PCDHB1: variants seen among roughly 807,000 people sequenced by gnomAD.
PCDHB1 encodes the protein protocadherin beta-1.
Under a neutral mutation model 43.5 loss-of-function variants are expected in PCDHB1, and 44 were observed. The observed-to-expected ratio is 1.01, with a 90% CI of 0.79 to 1.30. The LOEUF is 1.30. PCDHB1 is among the 50% of genes most tolerant of loss of function. PCDHB1 has a pLI of 0.00. For missense variants in PCDHB1, 919 were observed against 1,008.9 expected (o/e 0.91, Z 1.21); for synonymous variants, 392 against 400.8 (o/e 0.98, Z 0.26).
rs781855795 is a variant in PCDHB1 at position 141,053,878 on chromosome 5, A to T, written c.2408A>T (p.Lys803Met). 1 of 1,614,190 alleles carries T rather than the reference A, an allele frequency of 6.2e-7. No individual in the cohort carries two copies. The highest frequency in any genetic ancestry group is 1.1e-5 in the South Asian group (1 of 91,082). The change falls in exon 1 of 1, where the codon AAG (lysine) becomes ATG (methionine). Residue 803 changes from lysine (K) to methionine (M), a missense_variant. By Grantham distance (95) the Lys-to-Met change is moderately conservative. Coordinates refer to ENST00000306549, the MANE Select transcript of PCDHB1 (RefSeq NM_013340.4). ...SSLPPNSDRN[K>M]SQRLEGHDQV... is the part of the protein sequence containing the mutation. ...TTGCCCCCAAATTCTGATAGGAATA[A>T]GTCTCAGAGATTAGAGGGCCATGAC... is the stretch of plus-strand genomic sequence containing the variant.
Position 141,051,977 on chromosome 5 carries a change from C to A in PCDHB1, c.507C>A (p.Asn169Lys). The A allele has an allele frequency of 1.2e-6, 2 of 1,614,190 alleles. No homozygotes were observed. Among genetic ancestry groups the A allele is most frequent in the South Asian group, 1.1e-5 (1 of 91,090 alleles). Residue 169 changes from asparagine to lysine, a missense_variant, in exon 1 of 1, where the codon AAC becomes AAA. By Grantham distance (94) the Asn-to-Lys change is moderately conservative. Coordinates refer to ENST00000306549, the MANE Select transcript of PCDHB1 (RefSeq NM_013340.4). ...ACGTGGGCCTTAACGGTCTCCAGAA[C>A]TACACCCTGAGTGCCAATGGGTATT... ...DLDVGLNGLQNYTLSANGYFH... is the reference protein window; with the variant it reads ...DLDVGLNGLQKYTLSANGYFH...
rs1554267487 is a variant in PCDHB1, at chr5:141,053,598, T to C, written c.2128T>C (p.Phe710Leu). The part of the protein sequence containing the change: ...FLFLLSVIVI[F>L]IIHVYQKIKY... ...CTTTCTCCTCTCTGTCATAGTGATC[T>C]TCATTATACATGTCTACCAAAAGAT... The change falls in exon 1 of 1, where the codon TTC (phenylalanine) becomes CTC (leucine). Residue 710 changes from phenylalanine (F) to leucine (L), a missense_variant. Phe to Leu is a conservative substitution (Grantham distance 22). Transcript: ENST00000306549. 16 of 1,613,544 alleles carry C rather than the reference T, an allele frequency of 9.9e-6. No individual in the cohort carries two copies. Among genetic ancestry groups the C allele is most frequent in the Non-Finnish European group, 1.4e-5 (16 of 1,179,408 alleles).
rs370497604 is a variant in PCDHB1 at position 141,057,540 on chromosome 5, C to CAAAA, written c.*3628_*3631dup. ...CTGGCGACAAAGCAAGACTCTGTCT[C>CAAAA]AAAAAAAAAAAAAAAAAAGAAAAAA... On this transcript the variant is annotated 3_prime_UTR_variant, in exon 1 of 1. Transcript: ENST00000306549. 2 of 72,354 alleles carry CAAAA rather than the reference C, an allele frequency of 2.8e-5. No homozygotes were observed. The highest frequency in any genetic ancestry group is 5.6e-5 in the Non-Finnish European group (2 of 35,636). The allele number at this position is 72,354 out of a possible 1,614,324, so 4.5% of individuals were successfully genotyped here. A position where few individuals can be genotyped will look rare whatever the true frequency, so the allele number is the denominator to read the frequency against.
Position 141,057,030 on chromosome 5 carries a change from G to A in PCDHB1, c.*3103G>A, listed in dbSNP as rs1751147276. 2.0e-5 allele frequency: 3 copies of A among 152,170 alleles called. No homozygotes were observed. Among genetic ancestry groups the A allele is most frequent in the African/African-American group, 7.2e-5 (3 of 41,426 alleles). The allele number at this position is 152,170 out of a possible 1,614,324, so 9.4% of individuals were successfully genotyped here. A position where few individuals can be genotyped will look rare whatever the true frequency, so the allele number is the denominator to read the frequency against. On this transcript the variant is annotated 3_prime_UTR_variant, in exon 1 of 1. Coordinates refer to ENST00000306549, the MANE Select transcript of PCDHB1 (RefSeq NM_013340.4). ...ATGTGAACATAATCAATGGAAACTG[G>A]CTTAATGTCAAGGATAGGAAAAGAA...
Position 141,059,089 on chromosome 5 carries a change from C to G in PCDHB1, c.*5162C>G, listed in dbSNP as rs538286089. On this transcript the variant is annotated 3_prime_UTR_variant, in exon 1 of 1. Coordinates refer to ENST00000306549, the MANE Select transcript of PCDHB1 (RefSeq NM_013340.4). ...ATCATAAAGTAACCCCATTAAGGTT[C>G]ATGCATAAAGTTTTAACTTTAAATG... 3 of 151,988 alleles carry G rather than the reference C, an allele frequency of 2.0e-5. No individual in the cohort carries two copies. Among genetic ancestry groups the G allele is most frequent in the Non-Finnish European group, 2.9e-5 (2 of 67,944 alleles). The allele number at this position is 151,988 out of a possible 1,614,324, so 9.4% of individuals were successfully genotyped here.
rs781869296 is a variant in PCDHB1, at chr5:141,052,268, C to T, written c.798C>T (p.Ala266=). 2.6e-5 allele frequency: 42 copies of T among 1,614,032 alleles called. No individual in the cohort carries two copies. In the East Asian group the frequency reaches 8.5e-4, roughly 33 times the overall value. Reference sequence around the variant, plus strand: ...GCTCTTTGGTGGCCACGGTGACTGCCGTGGACCTAGACGAGGGCACCAACA... The same window carrying T: ...GCTCTTTGGTGGCCACGGTGACTGCTGTGGACCTAGACGAGGGCACCAACA... ...PNGSLVATVT[A]VDLDEGTNKA... is the part of the protein sequence containing the mutation. Residue 266 remains alanine (A), a synonymous_variant, in exon 1 of 1, where the codon GCC becomes GCT. Transcript: ENST00000306549.
Position 141,053,557 on chromosome 5 carries a change from T to C in PCDHB1, c.2087T>C (p.Val696Ala). 6.2e-7 allele frequency: 1 copy of C among 1,614,140 alleles called. No individual in the cohort carries two copies. Among genetic ancestry groups the C allele is most frequent in the Non-Finnish European group, 8.5e-7 (1 of 1,179,996 alleles). Residue 696 changes from valine to alanine, a missense_variant, in exon 1 of 1, where the codon GTC (valine) becomes GCC (alanine). Transcript: ENST00000306549. ...PSTKYLVISL[V>A]ILSFLFLLSV... ...ACTAAATATTTGGTCATTTCTCTGG[T>C]CATCCTTTCCTTTCTCTTTCTCCTC...
Position 141,051,412 on chromosome 5 carries a change from A to C in PCDHB1, c.-59A>C. 1 of 1,573,022 alleles carries C rather than the reference A, an allele frequency of 6.4e-7. No homozygotes were observed. Among genetic ancestry groups the C allele is most frequent in the Non-Finnish European group, 8.7e-7 (1 of 1,151,012 alleles). On this transcript the variant is annotated 5_prime_UTR_variant, in exon 1 of 1. Coordinates refer to ENST00000306549, the MANE Select transcript of PCDHB1 (RefSeq NM_013340.4). ...CTGTTGCAGTAACCTGTTGCAGAAA[A>C]GTGAAAGTATATCCGCAACAGTTGG...
rs1751167786 is a variant in PCDHB1 at position 141,057,926 on chromosome 5, C to T, written c.*3999C>T. ...TCCAAAGTGTCAAGTGATATTATAACTATTTCTATGTATTCAAAGCTATAA... is the reference window on the plus strand; with the variant it reads ...TCCAAAGTGTCAAGTGATATTATAATTATTTCTATGTATTCAAAGCTATAA... On this transcript the variant is annotated 3_prime_UTR_variant, in exon 1 of 1. Coordinates refer to ENST00000306549, the MANE Select transcript of PCDHB1 (RefSeq NM_013340.4). The T allele has an allele frequency of 6.6e-6, 1 of 152,172 alleles. No individual in the cohort carries two copies. The highest frequency in any genetic ancestry group is 1.5e-5 in the Non-Finnish European group (1 of 68,036). 9.4% of individuals were successfully genotyped at this position (152,172 alleles called of 1,614,324 possible).
rs1751154850 is a variant in PCDHB1 at position 141,057,433 on chromosome 5, T to C, written c.*3506T>C. ...GGTATGTGCCTGTAGTCCCAGCTAC[T>C]TGGGAGGCTGAGGCAGGAGAATTGC... On this transcript the variant is annotated 3_prime_UTR_variant, in exon 1 of 1. Transcript: ENST00000306549. 1.3e-5 allele frequency: 2 copies of C among 150,570 alleles called. No homozygotes were observed. The highest frequency in any genetic ancestry group is 1.5e-5 in the Non-Finnish European group (1 of 67,754). The allele number at this position is 150,570 out of a possible 1,614,324, so 9.3% of individuals were successfully genotyped here.
In PCDHB1 at chr5:141,053,484, C is replaced by A; in HGVS notation, c.2014C>A (p.Leu672Met). ...LLVDGFSEPY[L>M]QFQDPTKHSR... ...GGTAGATGGCTTTTCAGAGCCCTAC[C>A]TGCAGTTCCAGGATCCAACCAAGCA... Residue 672 changes from leucine (L) to methionine (M), a missense_variant, in exon 1 of 1, where the codon CTG (leucine) becomes ATG (methionine). Transcript: ENST00000306549. 1 of 1,614,170 alleles carries A rather than the reference C, an allele frequency of 6.2e-7. No homozygotes were observed. Among genetic ancestry groups the A allele is most frequent in the Non-Finnish European group, 8.5e-7 (1 of 1,180,014 alleles).
Position 141,052,031 on chromosome 5 carries a change from C to T in PCDHB1, c.561C>T (p.His187=). ...YFHLHTRFCS[H]GPKYAELVLN... is the part of the protein sequence containing the mutation. The stretch of plus-strand genomic sequence containing the variant: ...ACCTGCACACCCGCTTCTGCAGCCA[C>T]GGGCCTAAATATGCTGAGCTGGTGC... Residue 187 remains histidine, a synonymous_variant, in exon 1 of 1, where the codon CAC becomes CAT. Coordinates refer to ENST00000306549, the MANE Select transcript of PCDHB1 (RefSeq NM_013340.4). 2 of 1,614,162 alleles carry T rather than the reference C, an allele frequency of 1.2e-6. No individual in the cohort carries two copies. The highest frequency in any genetic ancestry group is 1.7e-6 in the Non-Finnish European group (2 of 1,180,034).
In PCDHB1 at chr5:141,051,621, G is replaced by A. The variant is rs782732007; in HGVS notation, c.151G>A (p.Asp51Asn). ...CTCGTTTGTGGCCAACGTAGCTAAG[G>A]ACCTAGGACTGGAGGTAGGGAAGCT... ...SGSFVANVAKDLGLEVGKLAA... is the reference protein window; with the variant it reads ...SGSFVANVAKNLGLEVGKLAA... The change falls in exon 1 of 1, where the codon GAC becomes AAC. Residue 51 changes from aspartate to asparagine, a missense_variant. Transcript: ENST00000306549. 6.8e-6 allele frequency: 11 copies of A among 1,614,250 alleles called. No individual in the cohort carries two copies. The highest frequency in any genetic ancestry group is 9.3e-6 in the Non-Finnish European group (11 of 1,180,044).
At position 141,056,365 on chromosome 5, in the gene PCDHB1, T is replaced by C. The variant is rs1386218740; in HGVS notation, c.*2438T>C. On this transcript the variant is annotated 3_prime_UTR_variant, in exon 1 of 1. Transcript: ENST00000306549. ...TGCTTAGGGCAGAACTGGTGTAACC[T>C]ATGGCTGCCTTCAATGTTAAAATGT... The C allele has an allele frequency of 2.0e-5, 3 of 152,314 alleles. No homozygotes were observed. The highest frequency in any genetic ancestry group is 7.2e-5 in the African/African-American group (3 of 41,578). The allele number at this position is 152,314 out of a possible 1,614,324, so 9.4% of individuals were successfully genotyped here.
rs781954262 is a variant in PCDHB1, at chr5:141,052,852, T to C, written c.1382T>C (p.Val461Ala). 2 of 1,614,228 alleles carry C rather than the reference T, an allele frequency of 1.2e-6. No individual in the cohort carries two copies. Among genetic ancestry groups the C allele is most frequent in the Non-Finnish European group, 1.7e-6 (2 of 1,180,044 alleles). ...CGGGAAGATTCCTATATCTTGACTG[T>C]TCGAGAAAACAACAGTCCTGCGGTT... ...IFREDSYILTVRENNSPAVFI... is the reference protein window; with the variant it reads ...IFREDSYILTARENNSPAVFI... The change falls in exon 1 of 1, where the codon GTT (valine) becomes GCT (alanine). Residue 461 changes from valine to alanine, a missense_variant. Transcript: ENST00000306549.
rs1469671409 is a variant in PCDHB1, at chr5:141,052,622, C to A, written c.1152C>A (p.Cys384Ter). ...RDIRVGGKVT[C>*]FLREDLPFVI... is the part of the protein sequence containing the mutation. ...TTCGAGTGGGAGGAAAAGTCACCTG[C>A]TTCCTCAGAGAAGACCTTCCCTTTG... The change falls in exon 1 of 1, where the codon TGC (cysteine) becomes TGA (stop). Residue 384 changes from cysteine (C) to a stop codon, truncating the protein, a stop_gained. Transcript: ENST00000306549. LOFTEE classifies it high-confidence loss of function. 7 of 1,613,936 alleles carry A rather than the reference C, an allele frequency of 4.3e-6. No individual in the cohort carries two copies. The highest frequency in any genetic ancestry group is 5.9e-6 in the Non-Finnish European group (7 of 1,179,954).
In PCDHB1 at chr5:141,052,411, CAT is replaced by C. The variant is rs1751007267; in HGVS notation, c.943_944del (p.Tyr315ArgfsTer3). The C allele has an allele frequency of 6.2e-7, 1 of 1,614,216 alleles. No individual in the cohort carries two copies. The highest frequency in any genetic ancestry group is 1.7e-5 in the Admixed American group (1 of 60,022). ...CCCCTCGATTTTGAAGCCATTGAAA[CAT>C]ACGACATTGACATTCAAGCTACAGA... On this transcript the variant is annotated frameshift_variant, in exon 1 of 1. Coordinates refer to ENST00000306549, the MANE Select transcript of PCDHB1 (RefSeq NM_013340.4). LOFTEE classifies it high-confidence loss of function.
Position 141,053,571 on chromosome 5 carries a change from C to G in PCDHB1, c.2101C>G (p.Leu701Val). The change falls in exon 1 of 1, where the codon CTC becomes GTC. Residue 701 changes from leucine to valine, a missense_variant. By Grantham distance (32) the Leu-to-Val change is conservative. Transcript: ENST00000306549. The part of the protein sequence containing the change: ...LVISLVILSF[L>V]FLLSVIVIFI... ...CATTTCTCTGGTCATCCTTTCCTTT[C>G]TCTTTCTCCTCTCTGTCATAGTGAT... The G allele has an allele frequency of 6.2e-7, 1 of 1,613,992 alleles. No individual in the cohort carries two copies. Among genetic ancestry groups the G allele is most frequent in the Non-Finnish European group, 8.5e-7 (1 of 1,179,886 alleles).
chr5:141,057,830 G>A lies in PCDHB1; in HGVS notation c.*3903G>A, dbSNP rs1244438208. ...TTTTTGGAGAGAACTCTGTACACCA[G>A]CTGAGATTAAGTCCAGGTCTCTATC... is the stretch of plus-strand genomic sequence containing the variant. On this transcript the variant is annotated 3_prime_UTR_variant, in exon 1 of 1. Coordinates refer to ENST00000306549, the MANE Select transcript of PCDHB1 (RefSeq NM_013340.4). The A allele has an allele frequency of 1.3e-5, 2 of 152,110 alleles. No homozygotes were observed. Among genetic ancestry groups the A allele is most frequent in the Non-Finnish European group, 2.9e-5 (2 of 68,028 alleles). The allele number at this position is 152,110 out of a possible 1,614,324, so 9.4% of individuals were successfully genotyped here. A position where few individuals can be genotyped will look rare whatever the true frequency, so the allele number is the denominator to read the frequency against.
Sources: allele counts gnomAD v4.1 joint callset, GRCh38; gene constraint gnomAD v4.1.1; transcripts MANE v1.5; gene names NCBI Gene and HGNC (gene_info 2026-07-23, HGNC 2026-07-21).